The following CHN2 variants were observed in gnomAD, a reference collection of about 807,000 sequenced individuals.
The protein encoded by CHN2 is beta-chimaerin.
Under a neutral mutation model 56.3 loss-of-function variants are expected in CHN2, and 35 were observed. That is an observed-to-expected ratio of 0.62 (90% CI 0.47 to 0.82). The LOEUF (loss-of-function observed/expected upper bound fraction) is 0.82, where lower values mean the gene tolerates loss of function less well. Ranked by LOEUF, CHN2 falls within the 40% of genes least tolerant of loss-of-function variation. CHN2 has a pLI of 0.00. For missense variants in CHN2, 491 were observed against 580.5 expected (o/e 0.85, Z 1.58); for synonymous variants, 210 against 212.8 (o/e 0.99, Z 0.12).
At chr7:29,251,354 TG>T (rs1450488544) in intron 1 of CHN2, among the ~76,000 whole-genome samples, 2 of 152,144 alleles carry the variant, frequency 1.3e-5, no homozygotes, top group East Asian at 3.9e-4. Flanking sequence ...CTTAGGAGGC[TG>T]AGGTGGGAGG....
intron 6 of CHN2, among the ~76,000 whole-genome samples, chr7:29,437,370 G>A (rs1190567214): frequency 2.4e-5 from 2 of 84,986 alleles, no homozygotes; most frequent in South Asian, 3.0e-4. Context: ...AGGCCGAGGC[G>A]GGCGGATCAC....
At chr7:29,460,355 C>A (rs1785072505) in intron 6 of CHN2, among the ~76,000 whole-genome samples, 1 of 152,150 alleles carries the variant, frequency 6.6e-6, no homozygotes, top group African/African-American at 2.4e-5. Flanking sequence ...ACCCATCCAA[C>A]ATTTATTGAG....
At chr7:29,402,318 C>T (rs924379689) in intron 6 of CHN2, among the ~76,000 whole-genome samples, 9 of 152,158 alleles carry the variant, frequency 5.9e-5, no homozygotes, top group African/African-American at 2.2e-4. Context: ...ATATAATTTG[C>T]CATTTTCTTT....
intron 8 of CHN2, among the ~76,000 whole-genome samples, chr7:29,497,304 A>G (rs1269450215): frequency 1.3e-5 from 2 of 152,196 alleles, no homozygotes; most frequent in Non-Finnish European, 2.9e-5. Context: ...GTGGTCATTA[A>G]TTTGGCCTGT....
intron 1 of CHN2, among the ~76,000 whole-genome samples, chr7:29,247,655 G>C (rs767599336): frequency 6.6e-6 from 1 of 152,194 alleles, no homozygotes; most frequent in Non-Finnish European, 1.5e-5. Context: ...ACGCAAAAAA[G>C]CCTCACCGCC....
intron 6 of CHN2, among the ~76,000 whole-genome samples, chr7:29,438,387 A>G (rs1243128397): frequency 1.3e-5 from 2 of 152,236 alleles, no homozygotes; most frequent in African/African-American, 4.8e-5. Flanking sequence ...TGTTCTGAAC[A>G]TATTTCTAGA....
intron 1 of CHN2, among the ~76,000 whole-genome samples, chr7:29,201,607 C>T (rs1784168642): frequency 1.3e-5 from 2 of 152,270 alleles, no homozygotes; most frequent in South Asian, 4.1e-4. Flanking sequence ...GTATGGTAAC[C>T]ATTAGTCACA....
At chr7:29,470,063 G>A (rs368630772) in intron 6 of CHN2, among the ~76,000 whole-genome samples, 8 of 152,342 alleles carry the variant, frequency 5.3e-5, no homozygotes, top group African/African-American at 1.9e-4. Context: ...AGACTGAACT[G>A]TGTTCCCCTG....
intron 2 of CHN2, among the ~76,000 whole-genome samples, chr7:29,168,632 C>T (rs1796212754): frequency 1.3e-5 from 2 of 152,184 alleles, no homozygotes; most frequent in South Asian, 4.1e-4. Flanking sequence ...GTTCCAATCC[C>T]CCAACCTGTA....
intron 1 of CHN2, among the ~76,000 whole-genome samples, chr7:29,308,814 C>T (rs939473258): frequency 4.6e-5 from 7 of 152,246 alleles, no homozygotes; most frequent in African/African-American, 1.4e-4. Flanking sequence ...AGATCTGTCT[C>T]ATTAGCCTCT....
At chr7:29,317,662 A>C (rs1795053494) in intron 1 of CHN2, among the ~76,000 whole-genome samples, 1 of 152,152 alleles carries the variant, frequency 6.6e-6, no homozygotes, top group East Asian at 1.9e-4. Context: ...AAACTAGACA[A>C]TAGGAGGGAG....
chr7:29,482,284 C>T (rs1227673343), intron 7 of CHN2, among the ~76,000 whole-genome samples: 2 of 152,172 alleles, frequency 1.3e-5, no homozygotes, highest in Non-Finnish European at 2.9e-5. Context: ...ACTTAGCAGA[C>T]CTCAAGTAGC....
intron 1 of CHN2, among the ~76,000 whole-genome samples, chr7:29,292,107 A>T (rs531031965): frequency 2.0e-5 from 3 of 152,274 alleles, no homozygotes; most frequent in African/African-American, 7.2e-5. Context: ...GTATATCCAC[A>T]CTTTATCTGT....
intron 6 of CHN2, among the ~76,000 whole-genome samples, chr7:29,407,723 G>A (rs1320713763): frequency 6.6e-6 from 1 of 152,214 alleles, no homozygotes; most frequent in East Asian, 1.9e-4. Context: ...AGTGAGAATG[G>A]ATTTAACTTA....
In CHN2 at chr7:29,495,934, C is replaced by G. The variant is rs772502407; in HGVS notation, c.655-18C>G. The G allele has an allele frequency of 1.2e-5, 20 of 1,609,790 alleles. No homozygotes were observed. Among genetic ancestry groups the G allele is most frequent in the Non-Finnish European group, 1.7e-5 (20 of 1,177,216 alleles). ...TGACTCTGAGCTTTCTGACATTTTT[C>G]TTCTTTTTGGATCACAGGTCCACAC... On this transcript the variant is annotated intron_variant, in intron 7 of 12. Coordinates refer to ENST00000222792, the MANE Select transcript of CHN2 (RefSeq NM_004067.4).
chr7:29,393,018 A>G (rs1016223389), intron 3 of CHN2, among the ~76,000 whole-genome samples: 8 of 152,236 alleles, frequency 5.3e-5, no homozygotes, highest in South Asian at 2.1e-4. Context: ...CTCTTATGAA[A>G]GCAGATGATC....
intron 6 of CHN2, among the ~76,000 whole-genome samples, chr7:29,423,712 T>C (rs1454092397): frequency 1.3e-5 from 2 of 152,238 alleles, no homozygotes; most frequent in African/African-American, 4.8e-5. Context: ...TCTTTGTCAA[T>C]TTAGAGTAAA....
At chr7:29,414,420 G>A (rs1267701913) in intron 6 of CHN2, among the ~76,000 whole-genome samples, 1 of 152,180 alleles carries the variant, frequency 6.6e-6, no homozygotes, top group South Asian at 2.1e-4. Flanking sequence ...CATACCACGT[G>A]CTATAGGGGT....
At chr7:29,351,081 G>A (rs35912541) in intron 1 of CHN2, among the ~76,000 whole-genome samples, 7 of 144,612 alleles carry the variant, frequency 4.8e-5, no homozygotes, top group Non-Finnish European at 7.5e-5. Context: ...GCACTCTAGC[G>A]TGGGCAACGG....
Sources: allele counts gnomAD v4.1 joint callset (sites outside exome capture counted in the v4.1 genomes callset), GRCh38; gene constraint gnomAD v4.1.1; transcripts MANE v1.5; gene names NCBI Gene and HGNC (gene_info 2026-07-23, HGNC 2026-07-21).